The following TAAR1 variants were observed in gnomAD, a reference collection of about 807,000 sequenced individuals.
TAAR1 encodes the protein trace amine-associated receptor 1.
TAAR1 carries 1 observed loss-of-function variant against 1.2 expected under a neutral mutation model. The observed-to-expected ratio is 0.81, with a 90% CI of 0.29 to 3.86. The LOEUF (loss-of-function observed/expected upper bound fraction) is 3.86. Ranked by LOEUF, TAAR1 falls within the 30% of genes most tolerant of loss-of-function variation. TAAR1 has a pLI of 0.18. For synonymous variants in TAAR1, 153 were observed against 132.2 expected, an observed-to-expected ratio of 1.16 and a Z score of -1.08; for missense variants, 445 against 405.6, an observed-to-expected ratio of 1.10 and a Z score of -0.83.
At position 132,645,539 on chromosome 6, in the gene TAAR1, T is replaced by G; in HGVS notation, c.465A>C (p.Ala155=). The G allele has an allele frequency of 6.2e-7, 1 of 1,613,692 alleles. No individual in the cohort carries two copies. The highest frequency in any genetic ancestry group is 1.1e-5 in the South Asian group (1 of 91,076). The change falls in exon 2 of 2, where the codon GCA becomes GCC. Residue 155 remains alanine (A), a synonymous_variant. Transcript: ENST00000275216. ...FISWSVPAVF[A]FGMIFLELNF... ...TTAGCTCCAGAAAGATCATTCCAAATGCAAAAACAGCAGGGACACTCCAAC... is the reference window on the plus strand; with the variant it reads ...TTAGCTCCAGAAAGATCATTCCAAAGGCAAAAACAGCAGGGACACTCCAAC...
At chr6:132,653,382 A>T (rs1339126688) in intron 1 of TAAR1, among the ~76,000 whole-genome samples, 2 of 152,202 alleles carry the variant, frequency 1.3e-5, no homozygotes, top group African/African-American at 2.4e-5. Context: ...CTTAAAGGAA[A>T]CTAAGAATAA....
rs1402741982 is a variant in TAAR1 at position 132,645,313 on chromosome 6, G to A, written c.691C>T (p.Leu231Phe). The change falls in exon 2 of 2, where the codon CTC becomes TTC. Residue 231 changes from leucine (L) to phenylalanine (F), a missense_variant. By Grantham distance (22) the Leu-to-Phe change is conservative (BLOSUM62 0). Coordinates refer to ENST00000275216, the MANE Select transcript of TAAR1 (RefSeq NM_138327.4). ...TTTTTCATTTCCAATCCAATTTGGA[G>A]CTTCTGATTGGCATCACTAATTAAT... ...ARLISDANQK[L>F]QIGLEMKNGI... is the part of the protein sequence containing the mutation. 7 of 1,613,364 alleles carry A rather than the reference G, an allele frequency of 4.3e-6. No homozygotes were observed. The highest frequency in any genetic ancestry group is 1.1e-5 in the South Asian group (1 of 91,066).
chr6:132,654,857 T>C (rs1019744282), intron 1 of TAAR1, among the ~76,000 whole-genome samples: 1 of 152,190 alleles, frequency 6.6e-6, no homozygotes, highest in Admixed American at 6.5e-5. Flanking sequence ...TTCTGGCAAA[T>C]TTTGTTTTAA....
chr6:132,654,960 T>C (rs1409773789), intron 1 of TAAR1, among the ~76,000 whole-genome samples: 3 of 152,190 alleles, frequency 2.0e-5, no homozygotes, highest in African/African-American at 7.2e-5. Context: ...GCATTGTAAA[T>C]AGATCTGCAG....
rs1165859742 is a variant in TAAR1 at position 132,644,159 on chromosome 6, T to C, written c.*825A>G. ...AATAGGGAATGGTTAAAAATATATT[T>C]GTACATCTGTGCAGTCACGTTATAC... On this transcript the variant is annotated 3_prime_UTR_variant, in exon 2 of 2. Transcript: ENST00000275216. Among the ~76,000 whole-genome samples the C allele has an allele frequency of 6.6e-6, 1 of 152,008 alleles. No individual in the cohort carries two copies. Among genetic ancestry groups the C allele is most frequent in the Non-Finnish European group, 1.5e-5 (1 of 67,946 alleles).
intron 1 of TAAR1, among the ~76,000 whole-genome samples, chr6:132,656,420 T>C (rs998253560): frequency 3.0e-4 from 45 of 151,598 alleles, no homozygotes; most frequent in Admixed American, 2.5e-3. Context: ...CAGAGATAAA[T>C]AGGGGGAGGG....
At chr6:132,655,861 A>G (rs1047526598) in intron 1 of TAAR1, among the ~76,000 whole-genome samples, 3 of 152,192 alleles carry the variant, frequency 2.0e-5, no homozygotes, top group Non-Finnish European at 2.9e-5. Context: ...GCCAGCAGGA[A>G]TTGTAGATAG....
In TAAR1 at chr6:132,644,947, C is replaced by T; in HGVS notation, c.*37G>A. 1 of 1,464,636 alleles carries T rather than the reference C, an allele frequency of 6.8e-7. No homozygotes were observed. Among genetic ancestry groups the T allele is most frequent in the Non-Finnish European group, 9.1e-7 (1 of 1,103,832 alleles). 90.7% of individuals were successfully genotyped at this position (1,464,636 alleles called of 1,614,324 possible). On this transcript the variant is annotated 3_prime_UTR_variant, in exon 2 of 2. Coordinates refer to ENST00000275216, the MANE Select transcript of TAAR1 (RefSeq NM_138327.4). ...GTTATGTTGTGTTCATAAATATGAT[C>T]ATCAACCGATTTGCAAAACAGTAAA...
At chr6:132,656,124 C>A (rs1379143463) in intron 1 of TAAR1, among the ~76,000 whole-genome samples, 2 of 152,072 alleles carry the variant, frequency 1.3e-5, no homozygotes, top group Non-Finnish European at 2.9e-5. Flanking sequence ...GAACATACTA[C>A]CCAGCCTCCA....
At chr6:132,655,023 G>A (rs139087901) in intron 1 of TAAR1, among the ~76,000 whole-genome samples, 19 of 152,060 alleles carry the variant, frequency 1.2e-4, no homozygotes, top group African/African-American at 3.9e-4. Context: ...CTTCATGACC[G>A]CCAAAAAAAA....
Position 132,649,137 on chromosome 6 carries a change from C to T in TAAR1, c.-126-3008G>A, listed in dbSNP as rs1777719296. 2.0e-5 allele frequency among the ~76,000 whole-genome samples: 3 copies of T among 152,244 alleles called. No individual in the cohort carries two copies. The South Asian group carries it at 6.2e-4, about 32-fold the overall frequency. ...AGAATTTCATCTCTATACTACTCTACTCATTTCCTAATCCAAACCAATTTC... is the reference window on the plus strand; with the variant it reads ...AGAATTTCATCTCTATACTACTCTATTCATTTCCTAATCCAAACCAATTTC... On this transcript the variant is annotated intron_variant, in intron 1 of 1. Coordinates refer to ENST00000275216, the MANE Select transcript of TAAR1 (RefSeq NM_138327.4).
chr6:132,650,895 ATCT>A (rs1777741793), intron 1 of TAAR1, among the ~76,000 whole-genome samples: 2 of 152,158 alleles, frequency 1.3e-5, no homozygotes, highest in African/African-American at 2.4e-5. Flanking sequence ...TGAAGCTCAC[ATCT>A]TCTTTCATTT....
Position 132,644,893 on chromosome 6 carries a change from A to C in TAAR1, c.*91T>G, listed in dbSNP as rs987912862. The stretch of plus-strand genomic sequence containing the variant: ...TTGACTCAAGTAACTGATTTAAAAA[A>C]AAATCCATGTGGTTGGTGCATGTGG... On this transcript the variant is annotated 3_prime_UTR_variant, in exon 2 of 2. Transcript: ENST00000275216. 8 of 1,105,412 alleles carry C rather than the reference A, an allele frequency of 7.2e-6. No homozygotes were observed. The highest frequency in any genetic ancestry group is 1.0e-5 in the Non-Finnish European group (8 of 797,320). The allele number at this position is 1,105,412 out of a possible 1,614,324, so 68.5% of individuals were successfully genotyped here. A position where few individuals can be genotyped will look rare whatever the true frequency, so the allele number is the denominator to read the frequency against.
chr6:132,646,932 C>A (rs35626797), intron 1 of TAAR1, among the ~76,000 whole-genome samples: 1 of 152,024 alleles, frequency 6.6e-6, no homozygotes. Context: ...AAAAATTAAG[C>A]TTTAAATTTT....
chr6:132,645,662 C>T lies in TAAR1; in HGVS notation c.342G>A (p.Leu114=). 5 of 1,613,530 alleles carry T rather than the reference C, an allele frequency of 3.1e-6. No individual in the cohort carries two copies. The highest frequency in any genetic ancestry group is 4.2e-6 in the Non-Finnish European group (5 of 1,179,778). The change falls in exon 2 of 2, where the codon TTG becomes TTA. Residue 114 remains leucine (L), a synonymous_variant. Coordinates refer to ENST00000275216, the MANE Select transcript of TAAR1 (RefSeq NM_138327.4). ...IMLSSASIFH[L]SFISIDRYYA... is the part of the protein sequence containing the mutation. ...AGTAGCGGTCAATGGAGATGAAAGACAAATGGAAAATGGAGGCTGAGCTCA... is the reference window on the plus strand; with the variant it reads ...AGTAGCGGTCAATGGAGATGAAAGATAAATGGAAAATGGAGGCTGAGCTCA...
chr6:132,654,377 T>C (rs1777780074), intron 1 of TAAR1, among the ~76,000 whole-genome samples: 1 of 152,212 alleles, frequency 6.6e-6, no homozygotes, highest in Non-Finnish European at 1.5e-5. Flanking sequence ...CTTATTTAAT[T>C]TAAGACAGCT....
At chr6:132,652,498 G>A (rs144766226) in intron 1 of TAAR1, among the ~76,000 whole-genome samples, 4,147 of 149,974 alleles carry the variant, frequency 0.028, 87 homozygotes, top group Non-Finnish European at 0.042. Flanking sequence ...GTAGAGGCGG[G>A]GTTTCACCAT....
chr6:132,653,225 C>T (rs529348574), intron 1 of TAAR1, among the ~76,000 whole-genome samples: 2 of 152,240 alleles, frequency 1.3e-5, no homozygotes, highest in East Asian at 3.9e-4. Flanking sequence ...CCTGTAGTTG[C>T]AACAGTGAAG....
rs1442291618 is a variant in TAAR1, at chr6:132,645,856, G to C, written c.148C>G (p.His50Asp). ...GTTGGGGTATGAAGTTGTTTGAAGT[G>C]TGATATAGAAACAATAACTATCAGA... ...GNLIVIVSIS[H>D]FKQLHTPTNW... The change falls in exon 2 of 2, where the codon CAC (histidine) becomes GAC (aspartate). Residue 50 changes from histidine to aspartate, a missense_variant. Transcript: ENST00000275216. 1 of 1,613,788 alleles carries C rather than the reference G, an allele frequency of 6.2e-7. No homozygotes were observed. Among genetic ancestry groups the C allele is most frequent in the South Asian group, 1.1e-5 (1 of 91,070 alleles).
Sources: gnomAD v4.1 joint callset for allele counts (sites outside exome capture counted in the v4.1 genomes callset) on GRCh38, gnomAD v4.1.1 for gene constraint, MANE v1.5 for transcripts, NCBI Gene and HGNC (gene_info 2026-07-23, HGNC 2026-07-21) for gene names.